MYLK: variants seen among roughly 807,000 people sequenced by gnomAD.
MYLK encodes the protein myosin light chain kinase, also known as myosin light chain kinase, smooth muscle.
A neutral mutation model predicts 203.4 loss-of-function variants in MYLK; 106 were observed. The observed-to-expected ratio is 0.52, with a 90% CI of 0.45 to 0.61. The LOEUF (loss-of-function observed/expected upper bound fraction) is 0.61. Ranked by LOEUF, MYLK falls within the 20% of genes least tolerant of loss-of-function variation. The probability of loss-of-function intolerance (pLI) is 0.00; values close to 1 mark genes in which losing one functional copy is unlikely to be tolerated. For synonymous variants in MYLK, 867 were observed against 959.5 expected (o/e 0.90, Z 1.78); for missense variants, 2,072 against 2,442.3 (o/e 0.85, Z 3.20).
chr3:123,688,697 C>A (rs1227484751), intron 19 of MYLK, among the ~76,000 whole-genome samples: 1 of 152,170 alleles, frequency 6.6e-6, no homozygotes, highest in African/African-American at 2.4e-5. Context: ...CATGGCTCCA[C>A]CACCCTGGCC....
intron 5 of MYLK, among the ~76,000 whole-genome samples, chr3:123,742,923 T>C (rs550125676): frequency 1.3e-5 from 2 of 152,050 alleles, no homozygotes; most frequent in African/African-American, 2.4e-5. Flanking sequence ...GAGAGGCAAA[T>C]CCATAGAGAA....
chr3:123,825,728 A>G (rs2066093421), intron 3 of MYLK, among the ~76,000 whole-genome samples: 1 of 152,162 alleles, frequency 6.6e-6, no homozygotes, highest in Non-Finnish European at 1.5e-5. Context: ...CACCAAGCTT[A>G]TGTGGGTGGC....
chr3:123,699,748 C>T (rs984740068), intron 18 of MYLK, among the ~76,000 whole-genome samples: 1 of 152,230 alleles, frequency 6.6e-6, no homozygotes, highest in Non-Finnish European at 1.5e-5. Context: ...CAGATGGGTG[C>T]CGAGATGTGG....
intron 2 of MYLK, among the ~76,000 whole-genome samples, chr3:123,849,132 C>T (rs1431967054): frequency 1.3e-5 from 2 of 152,074 alleles, no homozygotes; most frequent in African/African-American, 4.8e-5. Context: ...CGCGTCACTA[C>T]ACCCGGATAA....
chr3:123,849,497 C>A (rs910045611), intron 2 of MYLK, among the ~76,000 whole-genome samples: 2 of 152,128 alleles, frequency 1.3e-5, no homozygotes, highest in Admixed American at 6.5e-5. Flanking sequence ...CTAACTGATA[C>A]AGCAGTTGCT....
intron 2 of MYLK, among the ~76,000 whole-genome samples, chr3:123,857,367 A>G (rs1264723221): frequency 6.6e-6 from 1 of 152,034 alleles, no homozygotes; most frequent in Non-Finnish European, 1.5e-5. Context: ...TTGCGGCTCT[A>G]TTCACAATAG....
intron 24 of MYLK, 104 bp downstream of exon 24, chr3:123,657,022 A>G: frequency 7.6e-7 from 1 of 1,320,116 alleles, no homozygotes. Flanking sequence ...GTCATCATTA[A>G]TGTTTCCTCA....
At chr3:123,818,308 C>A (rs2065813552) in intron 3 of MYLK, among the ~76,000 whole-genome samples, 1 of 152,224 alleles carries the variant, frequency 6.6e-6, no homozygotes, top group South Asian at 2.1e-4. Context: ...ATCAGTCCCA[C>A]TTCAACTATT....
At chr3:123,726,163 C>T (rs768175619) in intron 11 of MYLK, 85 bp from the exon 12 acceptor site, 10 of 1,568,646 alleles carry the variant, frequency 6.4e-6, no homozygotes, top group Non-Finnish European at 7.8e-6. Context: ...CCCAGGCACG[C>T]CTCACTGTCC....
chr3:123,629,771 C>A lies in MYLK; in HGVS notation c.4962-145G>T. Reference sequence around the variant, plus strand: ...GTGGGCCTTGCACCTGCCTTTCTTCCACTTGTGGAAAGAAAAGAGGGTGTG... The same window carrying A: ...GTGGGCCTTGCACCTGCCTTTCTTCAACTTGTGGAAAGAAAAGAGGGTGTG... On this transcript the variant is annotated intron_variant, in intron 29 of 33. Transcript: ENST00000360304. This position sits in a 1 kb window ranked among gnomAD's most constrained non-coding sequence, Gnocchi z 4.4. 1 of 802,890 alleles carries A rather than the reference C, an allele frequency of 1.2e-6. No individual in the cohort carries two copies. The highest frequency in any genetic ancestry group is 2.7e-5 in the East Asian group (1 of 37,662). 49.7% of individuals were successfully genotyped at this position (802,890 alleles called of 1,614,324 possible). A position where few individuals can be genotyped will look rare whatever the true frequency, so the allele number is the denominator to read the frequency against.
rs570203174 is a variant in MYLK at position 123,717,937 on chromosome 3, C to T, written c.1804+4191G>A. On this transcript the variant is annotated intron_variant, in intron 13 of 33. Transcript: ENST00000360304. ...GTGGTGTGATTACGGCTCACTGCAACTGCAGTCTCGACCTCGCAGGCTCAA... is the reference window on the plus strand; with the variant it reads ...GTGGTGTGATTACGGCTCACTGCAATTGCAGTCTCGACCTCGCAGGCTCAA... 9.3e-5 allele frequency among the ~76,000 whole-genome samples: 14 copies of T among 149,868 alleles called. 1 individual carries two copies. In the South Asian group the frequency reaches 2.9e-3, roughly 32 times the overall value.
chr3:123,797,672 C>T (rs2065038404), intron 3 of MYLK, among the ~76,000 whole-genome samples: 1 of 152,190 alleles, frequency 6.6e-6, no homozygotes, highest in Admixed American at 6.5e-5. Context: ...GGGGACACGG[C>T]CACTTTCCAG....
At chr3:123,794,020 C>A (rs575211523) in intron 3 of MYLK, 176 bp from the exon 4 acceptor site, 5 of 710,020 alleles carry the variant, frequency 7.0e-6, no homozygotes, top group Admixed American at 4.3e-5. Context: ...GTCTTTTATA[C>A]ACAAAGTGCC....
At chr3:123,821,427 T>C (rs1027168058) in intron 3 of MYLK, among the ~76,000 whole-genome samples, 8 of 152,358 alleles carry the variant, frequency 5.3e-5, no homozygotes, top group Admixed American at 1.3e-4. Context: ...TATCTTAACA[T>C]AGTTTTAGCA....
At chr3:123,749,212 G>A (rs557725314) in intron 5 of MYLK, among the ~76,000 whole-genome samples, 39 of 151,842 alleles carry the variant, frequency 2.6e-4, no homozygotes, top group African/African-American at 9.2e-4. Flanking sequence ...CCAGGAGGTC[G>A]AGGCTGCAGT....
At chr3:123,766,403 G>A (rs2063705173) in intron 4 of MYLK, among the ~76,000 whole-genome samples, 1 of 152,246 alleles carries the variant, frequency 6.6e-6, no homozygotes, top group African/African-American at 2.4e-5. Flanking sequence ...TGTGTAAGAG[G>A]TGTGTGCTGA....
At chr3:123,728,875 C>T (rs1216638508) in intron 11 of MYLK, among the ~76,000 whole-genome samples, 1 of 152,176 alleles carries the variant, frequency 6.6e-6, no homozygotes, top group African/African-American at 2.4e-5. Context: ...TCAAAGTTTA[C>T]TCTGTGTGGA....
intron 27 of MYLK, among the ~76,000 whole-genome samples, chr3:123,643,037 G>A (rs972326981): frequency 6.6e-6 from 1 of 152,166 alleles, no homozygotes; most frequent in African/African-American, 2.4e-5. Context: ...ACCACTCCTG[G>A]GAGGCCAGCT....
intron 33 of MYLK, among the ~76,000 whole-genome samples, chr3:123,614,581 CAT>C (rs2057363041): frequency 6.6e-6 from 1 of 152,198 alleles, no homozygotes; most frequent in Non-Finnish European, 1.5e-5. Flanking sequence ...ATTTCCCACA[CAT>C]GTTGGACTAG....
Sources: gnomAD v4.1 joint callset for allele counts (sites outside exome capture counted in the v4.1 genomes callset) on GRCh38, gnomAD v4.1.1 for gene constraint, Gnocchi (gnomAD v3.1) non-coding constraint, MANE v1.5 for transcripts, NCBI Gene and HGNC (gene_info 2026-07-23, HGNC 2026-07-21) for gene names.